The following NOX4 variants were observed in gnomAD, a reference collection of about 807,000 sequenced individuals.
NOX4 encodes kidney oxidase-1.
In NOX4, 69 loss-of-function variants were observed where a neutral mutation model predicts 87.6. The ratio of observed to expected loss-of-function variants is 0.79; its 90% CI spans 0.65 to 0.96. The LOEUF (loss-of-function observed/expected upper bound fraction) is 0.96, where lower values mean the gene tolerates loss of function less well. Ranked by LOEUF, NOX4 falls within the 40% of genes least tolerant of loss-of-function variation. The pLI is 0.00. For synonymous variants in NOX4, 275 were observed against 238.2 expected (o/e 1.15, Z -1.42); for missense variants, 680 against 681.5 (o/e 1.00, Z 0.02).
chr11:89,475,841 C>T (rs966755047), intron 2 of NOX4, among the ~76,000 whole-genome samples: 2 of 152,080 alleles, frequency 1.3e-5, no homozygotes, highest in African/African-American at 4.8e-5. Context: ...ACACTACTAA[C>T]TGGCCCCAAA....
intron 8 of NOX4, among the ~76,000 whole-genome samples, chr11:89,403,207 G>C (rs1283708130): frequency 6.6e-6 from 1 of 152,108 alleles, no homozygotes; most frequent in Non-Finnish European, 1.5e-5. Context: ...TATTTTGTGA[G>C]AAACCAAGAC....
At chr11:89,411,953 C>T (rs2135228476) in intron 8 of NOX4, among the ~76,000 whole-genome samples, 1 of 152,030 alleles carries the variant, frequency 6.6e-6, no homozygotes, top group East Asian at 1.9e-4. Flanking sequence ...TACACACAGA[C>T]TGAAAATAAA....
At chr11:89,413,694 G>T (rs1942609698) in intron 8 of NOX4, among the ~76,000 whole-genome samples, 1 of 151,952 alleles carries the variant, frequency 6.6e-6, no homozygotes, top group East Asian at 1.9e-4. Context: ...GGGAGAAGTG[G>T]GGATGAGTAT....
the NOX4 span, among the ~76,000 whole-genome samples, chr11:89,571,998 A>G: frequency 6.6e-6 from 1 of 152,178 alleles, no homozygotes; most frequent in Admixed American, 6.5e-5. Context: ...ATTCAGTGGA[A>G]GGCTGATCAA....
At chr11:89,349,371 G>T in intron 13 of NOX4, among the ~76,000 whole-genome samples, 1 of 152,198 alleles carries the variant, frequency 6.6e-6, no homozygotes, top group East Asian at 1.9e-4. Flanking sequence ...CAGACATGCA[G>T]ATTGAACAGA....
intron 12 of NOX4, among the ~76,000 whole-genome samples, chr11:89,368,987 T>G (rs1315189489): frequency 6.6e-6 from 1 of 152,128 alleles, no homozygotes; most frequent in African/African-American, 2.4e-5. Flanking sequence ...TCTCTTAAAC[T>G]TTTTTAAGAT....
At position 89,332,997 on chromosome 11, in the gene NOX4, C is replaced by T. The variant is rs1470657726; in HGVS notation, c.1616+2848G>A. On this transcript the variant is annotated intron_variant, in intron 17 of 17. Transcript: ENST00000263317. ...ATTCTGACTTTTAGTTTTTGTAGAG[C>T]AGTACCTAAATGTGTATACCTGTTG... Among the ~76,000 whole-genome samples the T allele has an allele frequency of 2.0e-5, 3 of 151,818 alleles. No homozygotes were observed. The East Asian group carries it at 5.8e-4, about 29-fold the overall frequency.
At chr11:89,374,153 T>C (rs1429637394) in intron 11 of NOX4, among the ~76,000 whole-genome samples, 6 of 152,050 alleles carry the variant, frequency 3.9e-5, no homozygotes, top group Non-Finnish European at 8.8e-5. Context: ...ATAAGAAAAA[T>C]GAAAAATTTC....
At chr11:89,379,234 A>G (rs958409028) in intron 11 of NOX4, among the ~76,000 whole-genome samples, 2 of 152,172 alleles carry the variant, frequency 1.3e-5, no homozygotes, top group Non-Finnish European at 2.9e-5. Flanking sequence ...GGAACTGACT[A>G]AACAAAACAT....
At chr11:89,453,864 G>A (rs1345185420) in intron 2 of NOX4, among the ~76,000 whole-genome samples, 1 of 152,084 alleles carries the variant, frequency 6.6e-6, no homozygotes, top group Non-Finnish European at 1.5e-5. Flanking sequence ...AAAAGAAAAT[G>A]TCCAGAAGGC....
upstream of NOX4, among the ~76,000 whole-genome samples, chr11:89,500,763 C>G (rs1344272377): frequency 1.3e-5 from 2 of 152,002 alleles, no homozygotes; most frequent in Non-Finnish European, 2.9e-5. Context: ...TTTAGATGAC[C>G]TTGTAAATGA....
chr11:89,444,045 T>C, intron 5 of NOX4, 90 bp downstream of exon 5: 2 of 1,055,600 alleles, frequency 1.9e-6, no homozygotes, highest in South Asian at 1.3e-5. Flanking sequence ...AAAGGAGCAG[T>C]AAGGTACAAA....
chr11:89,551,634 A>C, the NOX4 span, among the ~76,000 whole-genome samples: 1 of 152,154 alleles, frequency 6.6e-6, no homozygotes, highest in African/African-American at 2.4e-5. Context: ...TGATTTTTGC[A>C]CATTGATTTG....
chr11:89,491,461 G>A (rs959548646), upstream of NOX4: 27 of 529,012 alleles, frequency 5.1e-5, no homozygotes, highest in Admixed American at 7.4e-4. Context: ...ACTCCCACCC[G>A]CACCGGGTCA....
chr11:89,588,896 A>T, the NOX4 span, among the ~76,000 whole-genome samples: 1 of 152,174 alleles, frequency 6.6e-6, no homozygotes, highest in Non-Finnish European at 1.5e-5. Context: ...TAACTAAAAG[A>T]TGTAATTGCA....
the NOX4 span, among the ~76,000 whole-genome samples, chr11:89,514,156 T>C: frequency 0.015 from 2,215 of 152,186 alleles, 52 homozygotes; most frequent in African/African-American, 0.051. Context: ...GGTTTTCAAT[T>C]ATTTAAATTT....
chr11:89,574,285 G>A, the NOX4 span, among the ~76,000 whole-genome samples: 105 of 152,244 alleles, frequency 6.9e-4, no homozygotes, highest in African/African-American at 1.9e-3. Flanking sequence ...ATTTACCAGA[G>A]CCACACTATT....
chr11:89,412,859 C>T, intron 8 of NOX4, among the ~76,000 whole-genome samples: 1 of 152,022 alleles, frequency 6.6e-6, no homozygotes, highest in East Asian at 1.9e-4. Flanking sequence ...AGCTTCTGCA[C>T]AGCAAAGCAT....
At chr11:89,410,456 G>C (rs542885464) in intron 8 of NOX4, among the ~76,000 whole-genome samples, 3 of 152,170 alleles carry the variant, frequency 2.0e-5, no homozygotes, top group Non-Finnish European at 2.9e-5. Context: ...ATATGTGAAA[G>C]GGATTCCCTG....
Sources: gnomAD v4.1 joint callset for allele counts (sites outside exome capture counted in the v4.1 genomes callset) on GRCh38, gnomAD v4.1.1 for gene constraint, MANE v1.5 for transcripts, NCBI Gene and HGNC (gene_info 2026-07-23, HGNC 2026-07-21) for gene names.